Variants in ACSS3 observed in about 807,000 individuals in gnomAD.
ACSS3 encodes acyl-CoA synthetase short chain family member 3.
In ACSS3, 64 loss-of-function variants were observed where a neutral mutation model predicts 84.2. The ratio of observed to expected loss-of-function variants is 0.76; its 90% CI spans 0.62 to 0.94. The LOEUF (loss-of-function observed/expected upper bound fraction) is 0.94, where lower values mean the gene tolerates loss of function less well. Among genes scored for constraint, ACSS3 ranks in the 40% least tolerant of loss-of-function variants. The probability of loss-of-function intolerance (pLI) is 0.00; values close to 1 mark genes in which losing one functional copy is unlikely to be tolerated. For missense variants in ACSS3, 815 were observed against 867.6 expected, an observed-to-expected ratio of 0.94 and a Z score of 0.76; for synonymous variants, 317 against 310.1, an observed-to-expected ratio of 1.02 and a Z score of -0.23.
chr12:81,087,322 C>T (rs759695995), intron 1 of ACSS3, among the ~76,000 whole-genome samples: 5 of 151,936 alleles, frequency 3.3e-5, no homozygotes, highest in Admixed American at 2.6e-4. Context: ...CAAGTATAAT[C>T]TTTCAAGGTG....
chr12:81,106,358 C>T (rs922443815), intron 1 of ACSS3, among the ~76,000 whole-genome samples: 15 of 152,314 alleles, frequency 9.8e-5, no homozygotes, highest in African/African-American at 3.6e-4. Flanking sequence ...CGCTGTCTTC[C>T]ATCACCCCAA....
intron 1 of ACSS3, among the ~76,000 whole-genome samples, chr12:81,093,235 G>T (rs1288896952): frequency 1.3e-5 from 2 of 151,884 alleles, no homozygotes; most frequent in African/African-American, 4.8e-5. Flanking sequence ...GGATCAATTG[G>T]GGTCAGGAGT....
At chr12:81,195,217 C>G (rs1480320910) in intron 8 of ACSS3, among the ~76,000 whole-genome samples, 2 of 151,918 alleles carry the variant, frequency 1.3e-5, no homozygotes, top group African/African-American at 4.8e-5. Flanking sequence ...TCTTTCATCA[C>G]AGGAGTTTTC....
chr12:81,148,934 T>A (rs1027159147), intron 5 of ACSS3, among the ~76,000 whole-genome samples: 1 of 143,152 alleles, frequency 7.0e-6, no homozygotes, highest in African/African-American at 2.6e-5. Context: ...TAGCTGAGCC[T>A]GGTGGCATGC....
intron 8 of ACSS3, among the ~76,000 whole-genome samples, chr12:81,176,708 C>T (rs573323548): frequency 5.9e-5 from 9 of 152,080 alleles, no homozygotes; most frequent in East Asian, 3.9e-4. Flanking sequence ...AAGCCCTGGA[C>T]GAGATGAATT....
At chr12:81,242,864 T>C (rs1593236139) in intron 13 of ACSS3, among the ~76,000 whole-genome samples, 1 of 152,052 alleles carries the variant, frequency 6.6e-6, no homozygotes, top group Non-Finnish European at 1.5e-5. Context: ...TATCTCAAAA[T>C]AATAAGAGCT....
At chr12:81,195,317 A>AT (rs981553638) in intron 8 of ACSS3, among the ~76,000 whole-genome samples, 2 of 151,910 alleles carry the variant, frequency 1.3e-5, no homozygotes, top group African/African-American at 4.8e-5. Context: ...TGGCCTTTAT[A>AT]TTTTTTATTT....
At chr12:81,215,561 C>T (rs916479964) in intron 9 of ACSS3, among the ~76,000 whole-genome samples, 4 of 152,176 alleles carry the variant, frequency 2.6e-5, no homozygotes, top group Non-Finnish European at 5.9e-5. Flanking sequence ...GTAGAAGGAA[C>T]ACATTCTGAG....
At chr12:81,144,052 T>C (rs901235206) in intron 5 of ACSS3, among the ~76,000 whole-genome samples, 2 of 152,206 alleles carry the variant, frequency 1.3e-5, no homozygotes, top group Non-Finnish European at 2.9e-5. Context: ...TTCTCTTCCT[T>C]GAGGACAGTG....
chr12:81,202,909 A>T (rs58316903), intron 9 of ACSS3, among the ~76,000 whole-genome samples: 56,551 of 152,104 alleles, frequency 0.37, 11,810 homozygotes, highest in Non-Finnish European at 0.47. Context: ...GAGAGACAGA[A>T]TTTGTAGATA....
Position 81,143,237 on chromosome 12 carries a change from G to A in ACSS3, c.911G>A (p.Gly304Glu), listed in dbSNP as rs768434391. 6.3e-7 allele frequency: 1 copy of A among 1,593,608 alleles called. No homozygotes were observed. The highest frequency in any genetic ancestry group is 1.1e-5 in the South Asian group (1 of 88,234). The change falls in exon 5 of 16, where the codon GGG becomes GAG. Residue 304 changes from glycine to glutamate, a missense_variant. Coordinates refer to ENST00000548058, the MANE Select transcript of ACSS3 (RefSeq NM_024560.4). ...ATTCTTTACACATCTGGCACAACGG[G>A]GTTACCTAAGGTACTCACTCTCTTA... ...LYILYTSGTT[G>E]LPKGVIRPTG...
At chr12:81,176,508 A>T (rs1346466462) in intron 8 of ACSS3, among the ~76,000 whole-genome samples, 1 of 152,124 alleles carries the variant, frequency 6.6e-6, no homozygotes, top group African/African-American at 2.4e-5. Context: ...CAGGAGGTGG[A>T]GGTTGCAGTG....
intron 13 of ACSS3, among the ~76,000 whole-genome samples, chr12:81,252,394 G>A (rs900059967): frequency 2.0e-5 from 3 of 152,042 alleles, no homozygotes; most frequent in African/African-American, 4.8e-5. Context: ...TTGCAACACA[G>A]GAGTCATTTA....
rs1176579505 is a variant in ACSS3 at position 81,254,956 on chromosome 12, A to T, written c.*34A>T. ...TCTTATTCCTATTTTGAGTTGATTTAATTTCTTAATTGAAATTAAATTATT... is the reference window on the plus strand; with the variant it reads ...TCTTATTCCTATTTTGAGTTGATTTTATTTCTTAATTGAAATTAAATTATT... On this transcript the variant is annotated 3_prime_UTR_variant, in exon 16 of 16. Coordinates refer to ENST00000548058, the MANE Select transcript of ACSS3 (RefSeq NM_024560.4). 4.1e-6 allele frequency: 6 copies of T among 1,469,618 alleles called. No homozygotes were observed. The highest frequency in any genetic ancestry group is 5.5e-6 in the Non-Finnish European group (6 of 1,081,798). The allele number at this position is 1,469,618 out of a possible 1,614,324, so 91.0% of individuals were successfully genotyped here. A position where few individuals can be genotyped will look rare whatever the true frequency, so the allele number is the denominator to read the frequency against.
At chr12:81,219,904 G>T in intron 10 of ACSS3, 109 bp from the exon 11 acceptor site, 1 of 607,094 alleles carries the variant, frequency 1.6e-6, no homozygotes, top group South Asian at 5.8e-5. Flanking sequence ...GGAATTAAAA[G>T]ATTACTCTCT....
intron 8 of ACSS3, among the ~76,000 whole-genome samples, chr12:81,192,710 T>G (rs1409690469): frequency 6.6e-6 from 1 of 152,222 alleles, no homozygotes; most frequent in East Asian, 1.9e-4. Flanking sequence ...ATGACTGGAT[T>G]TACCATTTAG....
intron 8 of ACSS3, among the ~76,000 whole-genome samples, chr12:81,197,772 CT>C (rs998604287): frequency 1.3e-5 from 2 of 152,036 alleles, no homozygotes; most frequent in Admixed American, 6.6e-5. Context: ...TTTCATCAAA[CT>C]TTTTCTTATG....
At chr12:81,199,635 A>G in intron 9 of ACSS3, 191 bp downstream of exon 9, 1 of 1,496,444 alleles carries the variant, frequency 6.7e-7, no homozygotes, top group Non-Finnish European at 8.9e-7. Context: ...AGTGACATTG[A>G]TGCCACCATT....
intron 7 of ACSS3, among the ~76,000 whole-genome samples, chr12:81,157,565 TTGGGAG>T (rs1259353918): frequency 6.6e-6 from 1 of 152,228 alleles, no homozygotes; most frequent in East Asian, 1.9e-4. Flanking sequence ...TCCCAGCACT[TTGGGAG>T]GTCAAGGCGG....
Sources: allele counts gnomAD v4.1 joint callset (sites outside exome capture counted in the v4.1 genomes callset), GRCh38; gene constraint gnomAD v4.1.1; transcripts MANE v1.5; gene names NCBI Gene and HGNC (gene_info 2026-07-23, HGNC 2026-07-21).